Variants in RTN1 observed in about 807,000 individuals in gnomAD.
RTN1 encodes reticulon-1.
In RTN1, 25 loss-of-function variants were observed where a neutral mutation model predicts 65.5. The ratio of observed to expected loss-of-function variants is 0.38; its 90% CI spans 0.28 to 0.53. The LOEUF is 0.53. Ranked by LOEUF, RTN1 falls within the 20% of genes least tolerant of loss-of-function variation. The pLI is 0.79. For missense variants in RTN1, 983 were observed against 1,025.4 expected (o/e 0.96, Z 0.57); for synonymous variants, 471 against 447.6 (o/e 1.05, Z -0.66).
intron 3 of RTN1, among the ~76,000 whole-genome samples, chr14:59,701,898 C>T (rs1358621109): frequency 6.6e-6 from 1 of 152,108 alleles, no homozygotes; most frequent in Non-Finnish European, 1.5e-5. Context: ...TTGCTGACTC[C>T]TGTTTCAGAT....
At chr14:59,626,252 T>A (rs942178432) in intron 3 of RTN1, among the ~76,000 whole-genome samples, 1 of 152,240 alleles carries the variant, frequency 6.6e-6, no homozygotes, top group African/African-American at 2.4e-5. Context: ...GAACAGACTA[T>A]CCTGAAGTGT....
Position 59,829,099 on chromosome 14 carries a change from G to A in RTN1, c.241+41291C>T, listed in dbSNP as rs1887082542. ...ACCCCTCTAAGTCTCCAGATGAGCTGCTTACTTCCCATCATTTATACTTAA... is the reference window on the plus strand; with the variant it reads ...ACCCCTCTAAGTCTCCAGATGAGCTACTTACTTCCCATCATTTATACTTAA... On this transcript the variant is annotated intron_variant, in intron 1 of 8. Coordinates refer to ENST00000267484, the MANE Select transcript of RTN1 (RefSeq NM_021136.3). This position sits in a 1 kb window ranked among gnomAD's most constrained non-coding sequence, Gnocchi z 4.3. Among the ~76,000 whole-genome samples, 1 of 152,084 alleles carries A rather than the reference G, an allele frequency of 6.6e-6. No homozygotes were observed. The highest frequency in any genetic ancestry group is 2.1e-4 in the South Asian group (1 of 4,830).
intron 1 of RTN1, among the ~76,000 whole-genome samples, chr14:59,819,095 C>G (rs1441342756): frequency 6.6e-6 from 1 of 152,084 alleles, no homozygotes; most frequent in African/African-American, 2.4e-5. Context: ...TCTTCCCGTC[C>G]AGAGTTGTTC....
intron 1 of RTN1, among the ~76,000 whole-genome samples, chr14:59,864,226 T>C (rs1887760010): frequency 6.6e-6 from 1 of 152,116 alleles, no homozygotes; most frequent in Non-Finnish European, 1.5e-5. Context: ...GACCCTTTGC[T>C]CATCCCCTAT....
In RTN1 at chr14:59,596,280, T is replaced by G. The variant is rs780844908; in HGVS notation, c.*465A>C. The G allele has an allele frequency of 6.5e-6, 1 of 152,850 alleles. No individual in the cohort carries two copies. The highest frequency in any genetic ancestry group is 1.5e-5 in the Non-Finnish European group (1 of 68,212). The allele number at this position is 152,850 out of a possible 1,614,324, so 9.5% of individuals were successfully genotyped here. A position where few individuals can be genotyped will look rare whatever the true frequency, so the allele number is the denominator to read the frequency against. ...TTTTACGTTGTGTGTGTTGGAAAAA[T>G]GCTAAAACATCAGTCTACAATTCTA... On this transcript the variant is annotated 3_prime_UTR_variant, in exon 9 of 9. Coordinates refer to ENST00000267484, the MANE Select transcript of RTN1 (RefSeq NM_021136.3).
At chr14:59,647,006 G>A (rs1292610201) in intron 3 of RTN1, 1 of 153,804 alleles carries the variant, frequency 6.5e-6, no homozygotes, top group East Asian at 1.9e-4. Flanking sequence ...AAAGCATATA[G>A]TAACAAGCTG....
At chr14:59,638,043 G>C (rs1030663235) in intron 3 of RTN1, among the ~76,000 whole-genome samples, 4 of 152,026 alleles carry the variant, frequency 2.6e-5, no homozygotes, top group African/African-American at 9.7e-5. Context: ...GTAGAGACAG[G>C]GTTTCACCAT....
intron 3 of RTN1, among the ~76,000 whole-genome samples, chr14:59,624,446 A>G (rs921640723): frequency 1.3e-5 from 2 of 151,968 alleles, no homozygotes; most frequent in Non-Finnish European, 2.9e-5. Flanking sequence ...TATTTCTTTG[A>G]ATGGCTGTAT....
chr14:59,619,085 G>A (rs540688737), intron 3 of RTN1, among the ~76,000 whole-genome samples: 60 of 152,156 alleles, frequency 3.9e-4, no homozygotes, highest in Middle Eastern at 3.2e-3. Context: ...TGAGTGTGGC[G>A]GACAATTTGT....
intron 3 of RTN1, among the ~76,000 whole-genome samples, chr14:59,678,066 T>G (rs146646124): frequency 1.1e-3 from 165 of 152,306 alleles, no homozygotes; most frequent in African/African-American, 3.8e-3. Context: ...ACTACCACGC[T>G]GTGGCCTGAG....
At chr14:59,757,343 TG>T (rs1885660179) in intron 1 of RTN1, among the ~76,000 whole-genome samples, 1 of 152,204 alleles carries the variant, frequency 6.6e-6, no homozygotes, top group East Asian at 1.9e-4. Context: ...TCCCCCATAC[TG>T]TTCTCATGGT....
At chr14:59,827,791 A>G (rs1887059923) in intron 1 of RTN1, among the ~76,000 whole-genome samples, 1 of 152,242 alleles carries the variant, frequency 6.6e-6, no homozygotes. Context: ...TGATATTCTT[A>G]TCTACCCTTT....
At chr14:59,776,902 A>G (rs926961821) in intron 1 of RTN1, among the ~76,000 whole-genome samples, 4 of 152,182 alleles carry the variant, frequency 2.6e-5, no homozygotes, top group Admixed American at 1.3e-4. Flanking sequence ...ACTCAGAGGG[A>G]CATGAGTGAG....
At chr14:59,606,815 C>G (rs1363075488) in intron 4 of RTN1, among the ~76,000 whole-genome samples, 3 of 152,264 alleles carry the variant, frequency 2.0e-5, no homozygotes, top group Admixed American at 6.5e-5. Context: ...GAACCCTGCA[C>G]CCCCACCAGA....
At chr14:59,746,888 G>A (rs867373961) in intron 1 of RTN1, among the ~76,000 whole-genome samples, 5 of 152,182 alleles carry the variant, frequency 3.3e-5, no homozygotes, top group Admixed American at 2.0e-4. Context: ...CCTCAGGATT[G>A]TAACTGCAAC....
intron 1 of RTN1, among the ~76,000 whole-genome samples, chr14:59,819,405 ACCACCACCACCCCCCCCCCACCCC>A (rs1566737381): frequency 2.0e-4 from 4 of 20,200 alleles, no homozygotes; most frequent in South Asian, 2.3e-3. Flanking sequence ...GTGCATCCAC[ACCACCACCACCCCCCCCCCACCCC>A]CCACCCCCCC....
rs1387559440 is a variant in RTN1 at position 59,836,613 on chromosome 14, G to A, written c.241+33777C>T. ...CATATGAACAAAATAGTGGCAGCAG[G>A]AAAGCAAAAATGCATTTTTGAGGAC... On this transcript the variant is annotated intron_variant, in intron 1 of 8. Coordinates refer to ENST00000267484, the MANE Select transcript of RTN1 (RefSeq NM_021136.3). The surrounding 1 kb of genome is among the most constrained non-coding windows in gnomAD (Gnocchi z 4.9). 6.6e-6 allele frequency among the ~76,000 whole-genome samples: 1 copy of A among 152,160 alleles called. No individual in the cohort carries two copies. The highest frequency in any genetic ancestry group is 1.5e-5 in the Non-Finnish European group (1 of 68,016).
intron 1 of RTN1, among the ~76,000 whole-genome samples, chr14:59,852,598 A>G (rs576040052): frequency 6.6e-6 from 1 of 152,318 alleles, no homozygotes; most frequent in Non-Finnish European, 1.5e-5. Flanking sequence ...TATCTGGGCA[A>G]TGAAGATTCA....
chr14:59,799,169 T>C (rs1447529855), intron 1 of RTN1, among the ~76,000 whole-genome samples: 1 of 152,238 alleles, frequency 6.6e-6, no homozygotes, highest in Admixed American at 6.5e-5. Flanking sequence ...GAAAAGGATT[T>C]AAAATTCTTT....
Sources: allele counts gnomAD v4.1 joint callset (sites outside exome capture counted in the v4.1 genomes callset), GRCh38; gene constraint gnomAD v4.1.1; non-coding constraint Gnocchi (gnomAD v3.1); transcripts MANE v1.5; gene names NCBI Gene and HGNC (gene_info 2026-07-23, HGNC 2026-07-21).